The following ALDH2 variants were observed in gnomAD, a reference collection of about 807,000 sequenced individuals.
ALDH2 encodes the protein aldehyde dehydrogenase 2 family member.
In ALDH2, 44 loss-of-function variants were observed where a neutral mutation model predicts 59.6. The observed-to-expected ratio is 0.74, with a 90% CI of 0.58 to 0.95. The LOEUF (loss-of-function observed/expected upper bound fraction) is 0.95. ALDH2 is among the 40% of genes least tolerant of loss of function. The pLI, the probability that ALDH2 is intolerant of heterozygous loss-of-function variation, is 0.00. For synonymous variants in ALDH2, 291 were observed against 284.0 expected (o/e 1.02, Z -0.25); for missense variants, 570 against 696.3 (o/e 0.82, Z 2.04).
At chr12:111,780,870 C>T (rs1203336434) in intron 1 of ALDH2, among the ~76,000 whole-genome samples, 1 of 152,104 alleles carries the variant, frequency 6.6e-6, no homozygotes, top group Non-Finnish European at 1.5e-5. Context: ...CACCTGCAAT[C>T]CCAGGACCTT....
At chr12:111,783,821 G>A (rs1004547782) in intron 3 of ALDH2, among the ~76,000 whole-genome samples, 9 of 152,046 alleles carry the variant, frequency 5.9e-5, no homozygotes, top group East Asian at 1.9e-4. Context: ...TTGATGCGGC[G>A]GGTTTGGCTA....
intron 2 of ALDH2, among the ~76,000 whole-genome samples, chr12:111,782,559 G>A (rs2068279755): frequency 6.6e-6 from 1 of 151,416 alleles, no homozygotes; most frequent in Admixed American, 6.6e-5. Context: ...CATCTCTAAA[G>A]TAAACAAAGA....
At chr12:111,790,945 A>G (rs1209891658) in intron 6 of ALDH2, among the ~76,000 whole-genome samples, 2 of 152,100 alleles carry the variant, frequency 1.3e-5, no homozygotes, top group Non-Finnish European at 2.9e-5. Context: ...ACTACTTGGG[A>G]GGTTAAGGCA....
Position 111,783,237 on chromosome 12 carries a change from A to G in ALDH2, c.299A>G (p.His100Arg). 1.2e-6 allele frequency: 2 copies of G among 1,613,470 alleles called. No homozygotes were observed. The highest frequency in any genetic ancestry group is 1.7e-6 in the Non-Finnish European group (2 of 1,179,736). Reference sequence around the variant, plus strand: ...CCTTGGCGCCGCATGGACGCATCACACAGGGGCCGGCTGCTGAACCGCCTG... The same window carrying G: ...CCTTGGCGCCGCATGGACGCATCACGCAGGGGCCGGCTGCTGAACCGCCTG... ...GSPWRRMDAS[H>R]RGRLLNRLAD... Residue 100 changes from histidine to arginine, a missense_variant, in exon 3 of 13, where the codon CAC (histidine) becomes CGC (arginine). Coordinates refer to ENST00000261733, the MANE Select transcript of ALDH2 (RefSeq NM_000690.4).
rs2068287304 is a variant in ALDH2 at position 111,783,300 on chromosome 12, T to G, written c.360+2T>G. Reference sequence around the variant, plus strand: ...GAGCGGGACCGGACCTACCTGGCGGTGAGTCCTCAGCCCTTCTCCCCCTCA... The same window carrying G: ...GAGCGGGACCGGACCTACCTGGCGGGGAGTCCTCAGCCCTTCTCCCCCTCA... On this transcript the variant is annotated splice_donor_variant, in intron 3 of 12. Transcript: ENST00000261733. LOFTEE classifies it high-confidence loss of function. The G allele has an allele frequency of 6.2e-7, 1 of 1,603,108 alleles. No homozygotes were observed. Among genetic ancestry groups the G allele is most frequent in the African/African-American group, 1.3e-5 (1 of 74,714 alleles).
intron 1 of ALDH2, among the ~76,000 whole-genome samples, chr12:111,777,039 T>C (rs933994151): frequency 6.6e-6 from 1 of 152,164 alleles, no homozygotes; most frequent in Non-Finnish European, 1.5e-5. Flanking sequence ...ACCATAAAGA[T>C]GGAGATTTGG....
Position 111,766,946 on chromosome 12 carries a change from T to C in ALDH2, c.-37T>C. On this transcript the variant is annotated 5_prime_UTR_variant, in exon 1 of 13. Coordinates refer to ENST00000261733, the MANE Select transcript of ALDH2 (RefSeq NM_000690.4). ...CTCAGTGGCCCTGAGACCCTAGCTC[T>C]GCTCTCGGTCCGCTCGCTGTCCGCT... 2 of 1,501,324 alleles carry C rather than the reference T, an allele frequency of 1.3e-6. No individual in the cohort carries two copies. The highest frequency in any genetic ancestry group is 8.9e-7 in the Non-Finnish European group (1 of 1,127,606). 93.0% of individuals were successfully genotyped at this position (1,501,324 alleles called of 1,614,324 possible).
intron 1 of ALDH2, among the ~76,000 whole-genome samples, chr12:111,768,148 C>T (rs2068173188): frequency 6.6e-6 from 1 of 152,164 alleles, no homozygotes; most frequent in African/African-American, 2.4e-5. Context: ...ACCTAAAGAC[C>T]AAAGTCAGTG....
Position 111,809,654 on chromosome 12 carries a change from T to C in ALDH2, c.*79T>C, listed in dbSNP as rs370433121. The C allele has an allele frequency of 6.0e-5, 90 of 1,507,018 alleles. No homozygotes were observed. The highest frequency in any genetic ancestry group is 7.9e-5 in the Non-Finnish European group (86 of 1,087,424). 93.4% of individuals were successfully genotyped at this position (1,507,018 alleles called of 1,614,324 possible). A position where few individuals can be genotyped will look rare whatever the true frequency, so the allele number is the denominator to read the frequency against. ...CAACAAAACCAAGAAAAATGATCCT[T>C]GCGTGCTGAATATCTGAAAAGAGAA... On this transcript the variant is annotated 3_prime_UTR_variant, in exon 13 of 13. Transcript: ENST00000261733.
In ALDH2 at chr12:111,784,368, G is replaced by A. The variant is rs117738948; in HGVS notation, c.361-899G>A. 2.6e-5 allele frequency among the ~76,000 whole-genome samples: 4 copies of A among 152,252 alleles called. No homozygotes were observed. The East Asian group carries it at 7.7e-4, about 29-fold the overall frequency. On this transcript the variant is annotated intron_variant, in intron 3 of 12. Transcript: ENST00000261733. ...TCCATCATCTGAGTCATGCTGCACT[G>A]CAGTCCTCACATTCACATGTGCTCC...
At position 111,817,153 on chromosome 12, in the gene ALDH2, T is replaced by C. The variant is rs1284919762; in HGVS notation, c.*7578T>C. ...TTGGCTATACGCATCCAGTTTTCCA[T>C]GTACTGAGTTGTTTGAATAGAACTA... On this transcript the variant is annotated 3_prime_UTR_variant, in exon 13 of 13. Transcript: ENST00000261733. The C allele has an allele frequency of 2.0e-5, 3 of 152,352 alleles. No homozygotes were observed. Among genetic ancestry groups the C allele is most frequent in the South Asian group, 2.1e-4 (1 of 4,830 alleles). The allele number at this position is 152,352 out of a possible 1,614,324, so 9.4% of individuals were successfully genotyped here. A position where few individuals can be genotyped will look rare whatever the true frequency, so the allele number is the denominator to read the frequency against.
chr12:111,791,489 T>C, intron 7 of ALDH2, 70 bp downstream of exon 7: 3 of 1,201,074 alleles, frequency 2.5e-6, no homozygotes, highest in Non-Finnish European at 2.4e-6. Flanking sequence ...GTGGACGACA[T>C]GCTCAAGGTG....
At position 111,767,009 on chromosome 12, in the gene ALDH2, G is replaced by A; in HGVS notation, c.27G>A (p.Gly9=). MLRAAARF[G]PRLGRRLLSA... ...TGTTGCGCGCTGCCGCCCGCTTCGGGCCCCGCCTGGGCCGCCGCCTCTTGT... is the reference window on the plus strand; with the variant it reads ...TGTTGCGCGCTGCCGCCCGCTTCGGACCCCGCCTGGGCCGCCGCCTCTTGT... The change falls in exon 1 of 13, where the codon GGG becomes GGA. Residue 9 remains glycine, a synonymous_variant. Coordinates refer to ENST00000261733, the MANE Select transcript of ALDH2 (RefSeq NM_000690.4). 6.6e-7 allele frequency: 1 copy of A among 1,523,188 alleles called. No individual in the cohort carries two copies. Among genetic ancestry groups the A allele is most frequent in the Non-Finnish European group, 8.8e-7 (1 of 1,141,646 alleles). 94.4% of individuals were successfully genotyped at this position (1,523,188 alleles called of 1,614,324 possible).
intron 6 of ALDH2, among the ~76,000 whole-genome samples, chr12:111,791,072 T>C (rs991733107): frequency 2.6e-5 from 4 of 152,038 alleles, no homozygotes; most frequent in African/African-American, 9.7e-5. Flanking sequence ...AAACCCACTG[T>C]TGTTCTAAGT....
At chr12:111,791,865 G>A (rs1298098229) in intron 7 of ALDH2, among the ~76,000 whole-genome samples, 196 bp from the exon 8 acceptor site, 1 of 152,108 alleles carries the variant, frequency 6.6e-6, no homozygotes, top group Non-Finnish European at 1.5e-5. Flanking sequence ...TCACGCCACT[G>A]CACTCCAGCC....
At chr12:111,768,083 G>C (rs1420372284) in intron 1 of ALDH2, among the ~76,000 whole-genome samples, 1 of 152,208 alleles carries the variant, frequency 6.6e-6, no homozygotes, top group Non-Finnish European at 1.5e-5. Context: ...GGAAGGGACT[G>C]TAATTCTCCA....
intron 3 of ALDH2, among the ~76,000 whole-genome samples, chr12:111,783,924 C>T (rs897851625): frequency 2.0e-5 from 3 of 152,116 alleles, no homozygotes; most frequent in Admixed American, 1.3e-4. Flanking sequence ...TCCCTCGGCC[C>T]CTCCATGGTG....
intron 6 of ALDH2, 68 bp from the exon 7 acceptor site, chr12:111,791,238 T>A: frequency 8.3e-7 from 1 of 1,200,222 alleles, no homozygotes; most frequent in Non-Finnish European, 1.2e-6. Context: ...AAAGGATGTG[T>A]CTTCCCCTGG....
chr12:111,775,544 T>G (rs1318795738), intron 1 of ALDH2: 2 of 411,788 alleles, frequency 4.9e-6, no homozygotes, highest in Non-Finnish European at 9.7e-6. Flanking sequence ...GTGAGATGTA[T>G]TTATTAAAAT....
Sources: allele counts gnomAD v4.1 joint callset (sites outside exome capture counted in the v4.1 genomes callset), GRCh38; gene constraint gnomAD v4.1.1; transcripts MANE v1.5; gene names NCBI Gene and HGNC (gene_info 2026-07-23, HGNC 2026-07-21).